FAM228B: variants seen among roughly 807,000 people sequenced by gnomAD.
The protein encoded by FAM228B is protein FAM228B.
In FAM228B, 38 loss-of-function variants were observed where a neutral mutation model predicts 42.6. The observed-to-expected ratio is 0.89, with a 90% CI of 0.69 to 1.17. The LOEUF (loss-of-function observed/expected upper bound fraction) is 1.17. Ranked by LOEUF, FAM228B falls within the 50% of genes most tolerant of loss-of-function variation. The probability of loss-of-function intolerance (pLI) is 0.00; values close to 1 mark genes in which losing one functional copy is unlikely to be tolerated. For synonymous variants in FAM228B, 109 were observed against 122.3 expected (o/e 0.89, Z 0.72); for missense variants, 344 against 367.3 (o/e 0.94, Z 0.52).
At chr2:24,119,682 C>G, upstream of FAM228B, 2 of 1,606,222 alleles carry the variant, frequency 1.2e-6, no homozygotes, top group Non-Finnish European at 1.7e-6. Flanking sequence ...CCAGTGTTCT[C>G]CTGTATAAAG....
upstream of FAM228B, among the ~76,000 whole-genome samples, chr2:24,121,535 C>A (rs1666118709): frequency 6.6e-6 from 1 of 152,126 alleles, no homozygotes; most frequent in Non-Finnish European, 1.5e-5. Context: ...CACATTCATT[C>A]TTTTATGTAT....
At chr2:24,092,724 A>T (rs983931347) in intron 2 of FAM228B, among the ~76,000 whole-genome samples, 1 of 152,212 alleles carries the variant, frequency 6.6e-6, no homozygotes, top group Non-Finnish European at 1.5e-5. Context: ...TGATCATAGT[A>T]ACAAAAATTT....
At chr2:24,097,777 G>A (rs1665530718) in intron 3 of FAM228B, among the ~76,000 whole-genome samples, 1 of 152,162 alleles carries the variant, frequency 6.6e-6, no homozygotes, top group African/African-American at 2.4e-5. Context: ...CCTGCAACAA[G>A]CAGACCTAAT....
In FAM228B at chr2:24,134,171, G is replaced by T. The variant is rs114362966; in HGVS notation, c.100-948G>T. Among the ~76,000 whole-genome samples, 1,395 of 152,202 alleles carry T rather than the reference G, an allele frequency of 9.2e-3. 11 individuals are homozygous for T. Among genetic ancestry groups the T allele is most frequent in the Non-Finnish European group, 0.014 (951 of 67,998 alleles). On this transcript the variant is annotated intron_variant, in intron 2 of 10. Coordinates refer to ENST00000615575, the MANE Select transcript of FAM228B (RefSeq NM_001145710.2). ...TTTTATAGACAGTTGTGAGTTAATG[G>T]ATAAAAATATAACTCATTTCCTTGA...
chr2:24,091,815 T>C (rs1255286400), intron 2 of FAM228B, among the ~76,000 whole-genome samples: 1 of 152,200 alleles, frequency 6.6e-6, no homozygotes, highest in African/African-American at 2.4e-5. Flanking sequence ...TTTTACCAAA[T>C]TAGTATACAA....
chr2:24,128,740 A>AT (rs1192352451), intron 2 of FAM228B, among the ~76,000 whole-genome samples: 5 of 151,546 alleles, frequency 3.3e-5, no homozygotes, highest in African/African-American at 9.7e-5. Context: ...TCCCATAAAT[A>AT]TTTTTCATTT....
rs1005851354 is a variant in FAM228B at position 24,092,095 on chromosome 2, G to A, written c.-209-3046G>A. Among the ~76,000 whole-genome samples, 26 of 151,748 alleles carry A rather than the reference G, an allele frequency of 1.7e-4. 1 individual carries two copies. The highest frequency in any genetic ancestry group is 1.6e-3 in the Admixed American group (25 of 15,222). ...AAAAATTAGCCAGGCATGGTGGCAT[G>A]TGCCTGTAGTTCCAGCTACTTGGGA... On this transcript the variant is annotated intron_variant, in intron 2 of 10. Transcript: ENST00000613899.
chr2:24,138,088 T>A lies in FAM228B; in HGVS notation c.348T>A (p.His116Gln), dbSNP rs1217393069. Reference sequence around the variant, plus strand: ...GGGAATTAGATGGCTTTTTAAAACATGTAAATAAAAAGGTACTAAGAGATC... The same window carrying A: ...GGGAATTAGATGGCTTTTTAAAACAAGTAAATAAAAAGGTACTAAGAGATC... ...RQGELDGFLK[H>Q]VNKKGNAFIE... The change falls in exon 4 of 11, where the codon CAT becomes CAA. Residue 116 changes from histidine (H) to glutamine (Q), a missense_variant. By Grantham distance (24) the His-to-Gln change is conservative. Coordinates refer to ENST00000615575, the MANE Select transcript of FAM228B (RefSeq NM_001145710.2). 1 of 1,531,244 alleles carries A rather than the reference T, an allele frequency of 6.5e-7. No individual in the cohort carries two copies. Among genetic ancestry groups the A allele is most frequent in the Non-Finnish European group, 8.8e-7 (1 of 1,141,772 alleles). The allele number at this position is 1,531,244 out of a possible 1,614,324, so 94.9% of individuals were successfully genotyped here. A position where few individuals can be genotyped will look rare whatever the true frequency, so the allele number is the denominator to read the frequency against.
chr2:24,138,813 G>A (rs1396362014), intron 4 of FAM228B, among the ~76,000 whole-genome samples: 1 of 151,716 alleles, frequency 6.6e-6, no homozygotes, highest in African/African-American at 2.4e-5. Context: ...AGGCATGGTG[G>A]TGGGTGCCTG....
At position 24,084,147 on chromosome 2, in the gene FAM228B, T is replaced by TCCA. The variant is rs1665142635; in HGVS notation, c.-210+3193_-210+3194insCAC. 1 of 1,579,910 alleles carries TCCA rather than the reference T, an allele frequency of 6.3e-7. No homozygotes were observed. The highest frequency in any genetic ancestry group is 1.3e-5 in the African/African-American group (1 of 74,634). On this transcript the variant is annotated intron_variant, in intron 2 of 10. Coordinates refer to the FAM228B transcript ENST00000613899. This position sits in a 1 kb window ranked among gnomAD's most constrained non-coding sequence, Gnocchi z 8.4. ...CACTGAGTGCTGTTGAGAGGGAGGC[T>TCCA]CTGGAGTCCCGCCCGCCCCGGCGCG... is the stretch of plus-strand genomic sequence containing the variant.
chr2:24,131,814 A>G (rs1666460501), intron 2 of FAM228B, among the ~76,000 whole-genome samples: 1 of 152,128 alleles, frequency 6.6e-6, no homozygotes, highest in Non-Finnish European at 1.5e-5. Flanking sequence ...ATTTGAATAC[A>G]CTTTATTTAT....
chr2:24,149,885 G>A (rs1666985819), intron 7 of FAM228B, among the ~76,000 whole-genome samples: 1 of 152,022 alleles, frequency 6.6e-6, no homozygotes, highest in African/African-American at 2.4e-5. Flanking sequence ...TTGATTTGCG[G>A]TTACCATGAG....
rs1664828067 is a variant in FAM228B at position 24,077,871 on chromosome 2, A to C, written c.-290+902A>C. 8.3e-7 allele frequency: 1 copy of C among 1,207,778 alleles called. No homozygotes were observed. Among genetic ancestry groups the C allele is most frequent in the Non-Finnish European group, 1.2e-6 (1 of 860,522 alleles). The allele number at this position is 1,207,778 out of a possible 1,614,324, so 74.8% of individuals were successfully genotyped here. ...TGAAGCCACGTATCTGAAAAAGCAC[A>C]CAGGGACACTTAACCCCTCACTTCC... On this transcript the variant is annotated intron_variant, in intron 1 of 10. Coordinates refer to the FAM228B transcript ENST00000613899. The surrounding 1 kb of genome is among the most constrained non-coding windows in gnomAD (Gnocchi z 5.5).
Position 24,169,362 on chromosome 2 carries a change from G to T in FAM228B, c.*21G>T. On this transcript the variant is annotated 3_prime_UTR_variant, in exon 11 of 11. Transcript: ENST00000615575. The surrounding 1 kb of genome is among the most constrained non-coding windows in gnomAD (Gnocchi z 4.2). The stretch of plus-strand genomic sequence containing the variant: ...CTTTTGTCACCTTCAAAAGGTTTCA[G>T]CAACCAAGGAGCACACACCCTGATC... The T allele has an allele frequency of 2.1e-6, 1 of 467,628 alleles. No homozygotes were observed. Among genetic ancestry groups the T allele is most frequent in the South Asian group, 1.6e-5 (1 of 64,268 alleles). The allele number at this position is 467,628 out of a possible 1,614,324, so 29.0% of individuals were successfully genotyped here.
chr2:24,085,725 C>A (rs1346394526), intron 2 of FAM228B: 1 of 152,240 alleles, frequency 6.6e-6, no homozygotes, highest in Non-Finnish European at 1.5e-5. Context: ...GTGATGCATT[C>A]AGAGTTGATC....
At chr2:24,156,301 CT>C (rs1667142937) in intron 7 of FAM228B, among the ~76,000 whole-genome samples, 4 of 152,166 alleles carry the variant, frequency 2.6e-5, no homozygotes, top group Non-Finnish European at 2.9e-5. Flanking sequence ...TAATCCAGCA[CT>C]GGGCTCTGTC....
At chr2:24,133,694 TCA>T (rs1398163524) in intron 2 of FAM228B, among the ~76,000 whole-genome samples, 1 of 152,216 alleles carries the variant, frequency 6.6e-6, no homozygotes, top group East Asian at 1.9e-4. Flanking sequence ...GTCACTAATA[TCA>T]CTGTTCCCTA....
intron 3 of FAM228B, among the ~76,000 whole-genome samples, chr2:24,136,289 T>C (rs1415309494): frequency 6.6e-6 from 1 of 152,008 alleles, no homozygotes; most frequent in African/African-American, 2.4e-5. Context: ...TGCAATGGTA[T>C]GATCTCGGCT....
intron 1 of FAM228B, chr2:24,079,268 C>T: frequency 1.6e-6 from 1 of 627,192 alleles, no homozygotes; most frequent in Non-Finnish European, 2.7e-6. Context: ...AAGCTTCTAT[C>T]AACCAATCTG....
Sources: gnomAD v4.1 joint callset for allele counts (sites outside exome capture counted in the v4.1 genomes callset) on GRCh38, gnomAD v4.1.1 for gene constraint, Gnocchi (gnomAD v3.1) non-coding constraint, MANE v1.5 for transcripts, NCBI Gene and HGNC (gene_info 2026-07-23, HGNC 2026-07-21) for gene names.